The following SYT2 variants were observed in gnomAD, a reference collection of about 807,000 sequenced individuals.
The protein encoded by SYT2 is synaptotagmin-2.
Under a neutral mutation model 39.9 loss-of-function variants are expected in SYT2, and 15 were observed. The observed-to-expected ratio is 0.38, with a 90% CI of 0.25 to 0.58. The LOEUF (loss-of-function observed/expected upper bound fraction) is 0.58, where lower values mean the gene tolerates loss of function less well. Among genes scored for constraint, SYT2 ranks in the 20% least tolerant of loss-of-function variants. The pLI is 0.70. For synonymous variants in SYT2, 181 were observed against 204.5 expected, an observed-to-expected ratio of 0.89 and a Z score of 0.98; for missense variants, 389 against 530.3, an observed-to-expected ratio of 0.73 and a Z score of 2.62.
At chr1:202,634,521 A>G (rs999869753) in intron 1 of SYT2, among the ~76,000 whole-genome samples, 1 of 152,176 alleles carries the variant, frequency 6.6e-6, no homozygotes, top group African/African-American at 2.4e-5. Flanking sequence ...ACCATTTGAC[A>G]ATCCTAGGCA....
At chr1:202,697,283 G>C (rs1653997002) in intron 1 of SYT2, among the ~76,000 whole-genome samples, 1 of 152,260 alleles carries the variant, frequency 6.6e-6, no homozygotes, top group South Asian at 2.1e-4. Flanking sequence ...TAAGTGGCGT[G>C]TGGACCAGGA....
At chr1:202,632,414 A>C (rs1349172045) in intron 1 of SYT2, 2 of 307,904 alleles carry the variant, frequency 6.5e-6, no homozygotes, top group African/African-American at 2.3e-5. Context: ...TGGGGATGAG[A>C]CTCCGGCTCA....
At position 202,605,996 on chromosome 1, in the gene SYT2, A is replaced by T. The variant is rs938306525; in HGVS notation, c.-17-207T>A. On this transcript the variant is annotated intron_variant, in intron 1 of 8. Transcript: ENST00000367268. Reference sequence around the variant, plus strand: ...GCATAGCAAGACCCTATCTTTAGAAATTTTTTTTTTTTAGTTAGGCATAGT... The same window carrying T: ...GCATAGCAAGACCCTATCTTTAGAATTTTTTTTTTTTTAGTTAGGCATAGT... 2.3e-4 allele frequency among the ~76,000 whole-genome samples: 34 copies of T among 148,422 alleles called. 1 individual carries two copies. Among genetic ancestry groups the T allele is most frequent in the African/African-American group, 7.9e-4 (32 of 40,718 alleles).
chr1:202,606,173 C>G (rs1468586635), intron 1 of SYT2, among the ~76,000 whole-genome samples: 1 of 152,086 alleles, frequency 6.6e-6, no homozygotes, highest in Non-Finnish European at 1.5e-5. Flanking sequence ...TTCATCTAAT[C>G]CAAAAAATAA....
intron 1 of SYT2, among the ~76,000 whole-genome samples, chr1:202,657,578 C>T (rs746404210): frequency 3.3e-5 from 5 of 152,162 alleles, no homozygotes; most frequent in Non-Finnish European, 7.3e-5. Context: ...TTCCCCTCTC[C>T]TCCCTCACAC....
chr1:202,678,458 A>ACTCTCCAC (rs1653439911), intron 1 of SYT2, among the ~76,000 whole-genome samples: 2 of 151,052 alleles, frequency 1.3e-5, no homozygotes, highest in Non-Finnish European at 3.0e-5. Flanking sequence ...CATCTCTCCA[A>ACTCTCCAC]CTCTCCACCT....
intron 1 of SYT2, among the ~76,000 whole-genome samples, chr1:202,615,412 T>C (rs1691006526): frequency 2.0e-5 from 3 of 152,214 alleles, no homozygotes; most frequent in East Asian, 3.9e-4. Context: ...TTCCCATCCA[T>C]GTGGGGTCAC....
At chr1:202,680,566 T>C (rs759064181) in intron 1 of SYT2, among the ~76,000 whole-genome samples, 1 of 152,086 alleles carries the variant, frequency 6.6e-6, no homozygotes, top group Non-Finnish European at 1.5e-5. Flanking sequence ...ATTATCACTG[T>C]TATAACCAAT....
chr1:202,635,077 A>G (rs188026606), intron 1 of SYT2, among the ~76,000 whole-genome samples: 16 of 152,370 alleles, frequency 1.1e-4, no homozygotes, highest in Admixed American at 5.9e-4. Context: ...GTAAATATAT[A>G]TTTATAAACT....
At chr1:202,638,474 GC>G (rs1303447785) in intron 1 of SYT2, among the ~76,000 whole-genome samples, 4 of 152,236 alleles carry the variant, frequency 2.6e-5, no homozygotes, top group African/African-American at 9.6e-5. Context: ...CGCTCAATGG[GC>G]CATCTGCTCG....
At chr1:202,696,180 G>A (rs1326181385) in intron 1 of SYT2, among the ~76,000 whole-genome samples, 1 of 152,192 alleles carries the variant, frequency 6.6e-6, no homozygotes, top group African/African-American at 2.4e-5. Context: ...GGAACTAGAG[G>A]CAGAGCCAGA....
intron 1 of SYT2, among the ~76,000 whole-genome samples, chr1:202,634,027 G>A (rs1385270568): frequency 1.3e-5 from 2 of 152,322 alleles, no homozygotes; most frequent in African/African-American, 2.4e-5. Context: ...AGAGGCCAGG[G>A]TCCAAATCCT....
chr1:202,604,353 A>T (rs1235922988), intron 3 of SYT2, 102 bp downstream of exon 3: 1 of 1,166,132 alleles, frequency 8.6e-7, no homozygotes, highest in Non-Finnish European at 1.2e-6. Context: ...GGAGGGGAGC[A>T]GGTTTGGCTG....
Position 202,596,268 on chromosome 1 carries a change from G to GACACACACACACACACACAC in SYT2, c.*469_*488dup, listed in dbSNP as rs58376514. On this transcript the variant is annotated 3_prime_UTR_variant, in exon 9 of 9. Coordinates refer to ENST00000367268, the MANE Select transcript of SYT2 (RefSeq NM_177402.5). ...CCAGGAATGAAGAGAAATGCTCAAA[G>GACACACACACACACACACAC]ACACACACACACACACACACACACA... The GACACACACACACACACACAC allele has an allele frequency of 2.5e-5, 3 of 119,506 alleles. No individual in the cohort carries two copies. The highest frequency in any genetic ancestry group is 5.3e-5 in the Non-Finnish European group (3 of 56,220). 7.4% of individuals were successfully genotyped at this position (119,506 alleles called of 1,614,324 possible). A position where few individuals can be genotyped will look rare whatever the true frequency, so the allele number is the denominator to read the frequency against.
intron 1 of SYT2, among the ~76,000 whole-genome samples, chr1:202,700,386 G>C (rs1435348246): frequency 6.6e-6 from 1 of 152,198 alleles, no homozygotes; most frequent in Admixed American, 6.5e-5. Context: ...TGTGTGCCCG[G>C]CTCTGGGCTG....
intron 1 of SYT2, among the ~76,000 whole-genome samples, chr1:202,611,179 TC>T (rs1690875175): frequency 1.3e-5 from 2 of 152,246 alleles, no homozygotes; most frequent in Admixed American, 6.5e-5. Context: ...TTGTATATCT[TC>T]CATAGAGAAA....
intron 1 of SYT2, among the ~76,000 whole-genome samples, chr1:202,642,899 C>A (rs1395969540): frequency 6.6e-6 from 1 of 152,256 alleles, no homozygotes; most frequent in Admixed American, 6.5e-5. Context: ...CGCTTCACCG[C>A]AGGTCCCTGG....
At chr1:202,655,468 T>A (rs1692262385) in intron 1 of SYT2, among the ~76,000 whole-genome samples, 1 of 152,168 alleles carries the variant, frequency 6.6e-6, no homozygotes, top group South Asian at 2.1e-4. Flanking sequence ...CTGAGAGTCT[T>A]CAGGGACAAG....
At chr1:202,686,021 C>T (rs190173992) in intron 1 of SYT2, among the ~76,000 whole-genome samples, 167 of 152,242 alleles carry the variant, frequency 1.1e-3, no homozygotes, top group Middle Eastern at 0.01. Context: ...AGAGAGGGTC[C>T]GCCCGGGAGG....
Sources: allele counts gnomAD v4.1 joint callset (sites outside exome capture counted in the v4.1 genomes callset), GRCh38; gene constraint gnomAD v4.1.1; transcripts MANE v1.5; gene names NCBI Gene and HGNC (gene_info 2026-07-23, HGNC 2026-07-21).